The following NSD3 variants were observed in gnomAD, a reference collection of about 807,000 sequenced individuals.
NSD3 encodes the protein nuclear receptor binding SET domain protein 3, also known as histone-lysine N-methyltransferase NSD3.
In NSD3, 24 loss-of-function variants were observed where a neutral mutation model predicts 160.8. The observed-to-expected ratio is 0.15, with a 90% CI of 0.11 to 0.21. NSD3 has a LOEUF of 0.21. Ranked by LOEUF, NSD3 falls within the 10% of genes least tolerant of loss-of-function variation. The pLI is 1.00. For missense variants in NSD3, 1,157 were observed against 1,735.9 expected, an observed-to-expected ratio of 0.67 and a Z score of 5.93; for synonymous variants, 520 against 600.0, an observed-to-expected ratio of 0.87 and a Z score of 1.95.
rs936838928 is a variant in NSD3, at chr8:38,314,585, A to G, written c.2242+62T>C. ...ACAAGATGTCCTAGGAGAGGTTGTC[A>G]GTGCACATTCCTGGCACAATCCCAT... On this transcript the variant is annotated intron_variant, in intron 12 of 23. Transcript: ENST00000317025. 8 of 1,604,602 alleles carry G rather than the reference A, an allele frequency of 5.0e-6. No homozygotes were observed. The African/African-American group carries it at 9.4e-5, about 19-fold the overall frequency.
chr8:38,380,690 C>T (rs929260162), intron 1 of NSD3: 3 of 152,182 alleles, frequency 2.0e-5, no homozygotes, highest in Non-Finnish European at 2.9e-5. Context: ...TCACTACCTC[C>T]TTTGGCGGTT....
At chr8:38,335,208 G>C (rs1174908718) in intron 4 of NSD3, among the ~76,000 whole-genome samples, 1 of 152,136 alleles carries the variant, frequency 6.6e-6, no homozygotes, top group Non-Finnish European at 1.5e-5. Flanking sequence ...GGCTGGTCTT[G>C]AACTCCTAAC....
At chr8:38,286,319 A>C (rs546095934) in intron 19 of NSD3, among the ~76,000 whole-genome samples, 121 of 152,040 alleles carry the variant, frequency 8.0e-4, no homozygotes, top group African/African-American at 2.0e-3. Flanking sequence ...ACACACACAC[A>C]CCCCAAAACA....
Position 38,288,558 on chromosome 8 carries a change from ATAGTC to A in NSD3, c.3425_3429del (p.Arg1142IlefsTer3). On this transcript the variant is annotated frameshift_variant, in exon 19 of 24. Transcript: ENST00000317025. LOFTEE classifies it high-confidence loss of function. The surrounding 1 kb of genome is among the most constrained non-coding windows in gnomAD (Gnocchi z 4.5). The stretch of plus-strand genomic sequence containing the variant: ...GTTTTGATGATCTCTGCATCAGGGT[ATAGTC>A]TCTTTGTAAAGCACTGGTTCTGACA... 1 of 1,614,120 alleles carries A rather than the reference ATAGTC, an allele frequency of 6.2e-7. No individual in the cohort carries two copies. Among genetic ancestry groups the A allele is most frequent in the Non-Finnish European group, 8.5e-7 (1 of 1,180,028 alleles).
Position 38,347,832 on chromosome 8 carries a change from A to T in NSD3, c.340T>A (p.Ser114Thr). The T allele has an allele frequency of 6.2e-7, 1 of 1,614,184 alleles. No individual in the cohort carries two copies. Among genetic ancestry groups the T allele is most frequent in the Non-Finnish European group, 8.5e-7 (1 of 1,180,040 alleles). The change falls in exon 2 of 24, where the codon TCA becomes ACA. Residue 114 changes from serine (S) to threonine (T), a missense_variant. Ser to Thr is a moderately conservative substitution (Grantham distance 58, BLOSUM62 1). This residue lies in a region of NSD3 where 121 missense variants were observed against 177.2 expected (regional missense o/e 0.68). Transcript: ENST00000317025. Reference sequence around the variant, plus strand: ...TGTGGTCTTGTGTTTGGAATTTCTGAATGATAATAGTCAGTGGGGCTAAAG... The same window carrying T: ...TGTGGTCTTGTGTTTGGAATTTCTGTATGATAATAGTCAGTGGGGCTAAAG... ...RNFSPTDYYH[S>T]EIPNTRPHEI...
chr8:38,381,435 C>T (rs1006531400), intron 1 of NSD3, among the ~76,000 whole-genome samples: 2 of 151,860 alleles, frequency 1.3e-5, no homozygotes, highest in Admixed American at 6.6e-5. Context: ...CTGTAATCTC[C>T]ATGCAACTCT....
chr8:38,314,496 C>T (rs1318136974), intron 12 of NSD3, 151 bp downstream of exon 12: 4 of 1,211,286 alleles, frequency 3.3e-6, no homozygotes, highest in Non-Finnish European at 4.4e-6. Context: ...AATCTTGAAG[C>T]CAAATCTTAA....
At chr8:38,299,199 T>C (rs1809226213) in intron 15 of NSD3, among the ~76,000 whole-genome samples, 2 of 152,216 alleles carry the variant, frequency 1.3e-5, no homozygotes, top group African/African-American at 4.8e-5. Context: ...TTTAATAACT[T>C]ATAAATATGG....
intron 12 of NSD3, among the ~76,000 whole-genome samples, chr8:38,310,927 A>C (rs1160939654): frequency 6.6e-6 from 1 of 151,892 alleles, no homozygotes; most frequent in Non-Finnish European, 1.5e-5. Flanking sequence ...ACACCATTTT[A>C]TATCCCCACC....
intron 2 of NSD3, among the ~76,000 whole-genome samples, chr8:38,342,511 T>A (rs762202423): frequency 6.6e-6 from 1 of 152,152 alleles, no homozygotes; most frequent in African/African-American, 2.4e-5. Flanking sequence ...CTAAAAATTA[T>A]GTTAAGAGTA....
chr8:38,329,883 G>T lies in NSD3; in HGVS notation c.1076C>A (p.Pro359His). 5.7e-6 allele frequency: 9 copies of T among 1,576,794 alleles called. No homozygotes were observed. Among genetic ancestry groups the T allele is most frequent in the Non-Finnish European group, 7.7e-6 (9 of 1,165,242 alleles). ...NHSEKQKIRK[P>H]RPQRERAQWD... ...CTGAGCACGTTCTCTCTGAGGTCGG[G>T]GTTTCCGAATCTTTAAAAAAGATAG... is the stretch of plus-strand genomic sequence containing the variant. The change falls in exon 6 of 24, where the codon CCC (proline) becomes CAC (histidine). Residue 359 changes from proline to histidine, a missense_variant. Pro to His is a moderately conservative substitution (Grantham distance 77, BLOSUM62 -2). Coordinates refer to ENST00000317025, the MANE Select transcript of NSD3 (RefSeq NM_023034.2). The surrounding 1 kb of genome is among the most constrained non-coding windows in gnomAD (Gnocchi z 4.8).
chr8:38,370,318 T>G (rs535515323), intron 1 of NSD3, among the ~76,000 whole-genome samples: 1 of 151,702 alleles, frequency 6.6e-6, no homozygotes, highest in African/African-American at 2.4e-5. Context: ...TTGAATTTTT[T>G]AAAAAAATTT....
rs377462564 is a variant in NSD3 at position 38,276,499 on chromosome 8, G to A, written c.3869C>T (p.Ser1290Leu). 9.6e-5 allele frequency: 155 copies of A among 1,613,880 alleles called. No homozygotes were observed. Among genetic ancestry groups the A allele is most frequent in the Non-Finnish European group, 1.2e-4 (146 of 1,179,992 alleles). ...CTCTTCATTTGTTGACGCACATGCC[G>A]ACTGGCAGGAAAGAAAGGATCATAG... ...CSGFLGVRPK[S>L]ACASTNEEKA... Residue 1290 changes from serine to leucine, a missense_variant and splice_region_variant, in exon 23 of 24, where the codon TCG becomes TTG. Physicochemically the swap from Ser to Leu is moderately radical, Grantham distance 145. Coordinates refer to ENST00000317025, the MANE Select transcript of NSD3 (RefSeq NM_023034.2).
chr8:38,356,691 A>G (rs1810832373), intron 1 of NSD3, among the ~76,000 whole-genome samples: 1 of 152,222 alleles, frequency 6.6e-6, no homozygotes, highest in South Asian at 2.1e-4. Flanking sequence ...AAATTCATAA[A>G]CAATTATTTC....
intron 4 of NSD3, among the ~76,000 whole-genome samples, chr8:38,332,054 G>C (rs1002062794): frequency 1.3e-5 from 2 of 151,978 alleles, no homozygotes; most frequent in African/African-American, 2.4e-5. Context: ...AGCCTCTTGA[G>C]CAGGTAAGAC....
intron 2 of NSD3, among the ~76,000 whole-genome samples, chr8:38,340,475 A>G (rs973869355): frequency 6.6e-6 from 1 of 152,070 alleles, no homozygotes; most frequent in African/African-American, 2.4e-5. Flanking sequence ...GAAACTGGGA[A>G]TACAGGCCCG....
intron 1 of NSD3, 27 bp from the exon 2 acceptor site, chr8:38,348,242 AG>A: frequency 6.7e-7 from 1 of 1,486,446 alleles, no homozygotes; most frequent in Non-Finnish European, 9.0e-7. Context: ...GGGGATTAGA[AG>A]GTGTTACTAT....
In NSD3 at chr8:38,278,380, A is replaced by C; in HGVS notation, c.3793T>G (p.Cys1265Gly). 5 of 1,613,972 alleles carry C rather than the reference A, an allele frequency of 3.1e-6. No individual in the cohort carries two copies. Among genetic ancestry groups the C allele is most frequent in the Non-Finnish European group, 4.2e-6 (5 of 1,179,958 alleles). ...CACTCCGTTCTGCCGTTGCCCAGAC[A>C]ATCTAGGTTATAATTAAATGTTAAC... is the stretch of plus-strand genomic sequence containing the variant. ...MELTFNYNLD[C>G]LGNGRTECHC... The change falls in exon 22 of 24, where the codon TGT becomes GGT. Residue 1265 changes from cysteine (C) to glycine (G), a missense_variant. Physicochemically the swap from Cys to Gly is radical, Grantham distance 159. Coordinates refer to ENST00000317025, the MANE Select transcript of NSD3 (RefSeq NM_023034.2).
chr8:38,341,859 T>C (rs142261012), intron 2 of NSD3, among the ~76,000 whole-genome samples: 80 of 151,968 alleles, frequency 5.3e-4, no homozygotes, highest in African/African-American at 1.8e-3. Context: ...GGTGGGAGGA[T>C]TGTTTGAGCC....
Sources: gnomAD v4.1 joint callset for allele counts (sites outside exome capture counted in the v4.1 genomes callset) on GRCh38, gnomAD v4.1.1 for gene constraint, gnomAD v4.1.1 regional missense constraint, Gnocchi (gnomAD v3.1) non-coding constraint, MANE v1.5 for transcripts, NCBI Gene and HGNC (gene_info 2026-07-23, HGNC 2026-07-21) for gene names.